Variants in FGF12 observed in about 807,000 individuals in gnomAD.
FGF12 encodes fibroblast growth factor 12.
FGF12 carries 14 observed loss-of-function variants against 23.6 expected under a neutral mutation model. The ratio of observed to expected loss-of-function variants is 0.59; its 90% CI spans 0.39 to 0.93. The LOEUF (loss-of-function observed/expected upper bound fraction) is 0.93. Among genes scored for constraint, FGF12 ranks in the 40% least tolerant of loss-of-function variants. The probability of loss-of-function intolerance (pLI) is 0.00; values close to 1 mark genes in which losing one functional copy is unlikely to be tolerated. For missense variants in FGF12, 175 were observed against 217.8 expected, an observed-to-expected ratio of 0.80 and a Z score of 1.24; for synonymous variants, 62 against 77.3, an observed-to-expected ratio of 0.80 and a Z score of 1.04.
intron 4 of FGF12, among the ~76,000 whole-genome samples, chr3:192,223,568 T>C (rs185893834): frequency 6.6e-6 from 1 of 152,286 alleles, no homozygotes; most frequent in East Asian, 1.9e-4. Flanking sequence ...ATCCAGTTTG[T>C]CTGGTATATT....
chr3:192,513,787 C>G (rs1724566217), intron 2 of FGF12, among the ~76,000 whole-genome samples: 1 of 152,194 alleles, frequency 6.6e-6, no homozygotes, highest in South Asian at 2.1e-4. Context: ...CCACACCCCA[C>G]TCCCAGTTTG....
intron 2 of FGF12, among the ~76,000 whole-genome samples, chr3:192,532,530 C>A (rs535140551): frequency 7.9e-5 from 12 of 152,056 alleles, no homozygotes; most frequent in African/African-American, 2.7e-4. Flanking sequence ...CAATTGAGTT[C>A]TTGATTTGAT....
intron 2 of FGF12, among the ~76,000 whole-genome samples, chr3:192,617,026 C>T (rs1560170491): frequency 6.6e-6 from 1 of 151,710 alleles, no homozygotes. Context: ...TTTTTCATGG[C>T]TTCGGAAGAC....
chr3:192,217,406 T>C (rs1170688740), intron 4 of FGF12, among the ~76,000 whole-genome samples: 1 of 152,156 alleles, frequency 6.6e-6, no homozygotes, highest in East Asian at 1.9e-4. Flanking sequence ...GGTAACCAAA[T>C]TCAAGCTGAA....
chr3:192,147,989 T>C (rs1022792572), intron 5 of FGF12, among the ~76,000 whole-genome samples: 1 of 147,078 alleles, frequency 6.8e-6, no homozygotes, highest in African/African-American at 2.5e-5. Context: ...TGTGGAGAAA[T>C]TGAAACCCTA....
intron 2 of FGF12, chr3:192,516,972 A>G (rs920251226): frequency 6.6e-6 from 1 of 152,230 alleles, no homozygotes; most frequent in African/African-American, 2.4e-5. Context: ...GAAAACATCT[A>G]AAAATAGTCC....
intron 2 of FGF12, among the ~76,000 whole-genome samples, chr3:192,720,532 C>A (rs978366580): frequency 6.6e-6 from 1 of 152,208 alleles, no homozygotes; most frequent in African/African-American, 2.4e-5. Flanking sequence ...CCGTGCTCTG[C>A]ATGCAAGGAT....
intron 2 of FGF12, among the ~76,000 whole-genome samples, chr3:192,595,236 G>A (rs1182408502): frequency 6.6e-6 from 1 of 152,130 alleles, no homozygotes; most frequent in Non-Finnish European, 1.5e-5. Flanking sequence ...CACGTTCACT[G>A]TATATTTGTA....
chr3:192,369,683 A>G (rs1719136282), intron 2 of FGF12, among the ~76,000 whole-genome samples: 1 of 152,214 alleles, frequency 6.6e-6, no homozygotes, highest in South Asian at 2.1e-4. Context: ...TATGCTCATG[A>G]AAATTTAAAA....
intron 2 of FGF12, among the ~76,000 whole-genome samples, chr3:192,593,396 T>C (rs1439513116): frequency 6.6e-6 from 1 of 151,932 alleles, no homozygotes; most frequent in Non-Finnish European, 1.5e-5. Context: ...CTCTGCCTCT[T>C]CTTCCCCACA....
intron 2 of FGF12, among the ~76,000 whole-genome samples, chr3:192,638,167 G>A (rs1715653955): frequency 6.6e-6 from 1 of 152,226 alleles, no homozygotes; most frequent in Middle Eastern, 3.4e-3. Context: ...GAGTAACTTA[G>A]GGCCTGTCTC....
intron 2 of FGF12, among the ~76,000 whole-genome samples, chr3:192,722,774 G>A (rs943990506): frequency 6.6e-6 from 1 of 152,196 alleles, no homozygotes; most frequent in Non-Finnish European, 1.5e-5. Flanking sequence ...TTGCTGGAAT[G>A]TTAAAGGCTC....
intron 2 of FGF12, among the ~76,000 whole-genome samples, chr3:192,432,272 A>G (rs1038097482): frequency 2.0e-5 from 3 of 152,196 alleles, no homozygotes; most frequent in African/African-American, 4.8e-5. Flanking sequence ...GTCAGAATAA[A>G]CCAAATACAA....
At chr3:192,707,020 C>T (rs893644961) in intron 2 of FGF12, among the ~76,000 whole-genome samples, 1 of 152,096 alleles carries the variant, frequency 6.6e-6, no homozygotes, top group African/African-American at 2.4e-5. Flanking sequence ...AATGAATGTC[C>T]AGAAAATGGA....
intron 2 of FGF12, among the ~76,000 whole-genome samples, chr3:192,689,425 A>G (rs1184478440): frequency 6.6e-6 from 1 of 152,160 alleles, no homozygotes; most frequent in African/African-American, 2.4e-5. Context: ...TTAAAAAATT[A>G]GGAAACAATA....
rs546927212 is a variant in FGF12, at chr3:192,457,771, T to A, written c.14-97233A>T. Among the ~76,000 whole-genome samples the A allele has an allele frequency of 9.9e-5, 15 of 152,284 alleles. No homozygotes were observed. The South Asian group carries it at 3.1e-3, about 32-fold the overall frequency. On this transcript the variant is annotated intron_variant, in intron 2 of 5. Coordinates refer to ENST00000445105, the MANE Select transcript of FGF12 (RefSeq NM_004113.6). Reference sequence around the variant, plus strand: ...AGCTGGCTGCAGAAATTTGAATAAGTAGCAAGGAGCCTAATGTTAATCCCC... The same window carrying A: ...AGCTGGCTGCAGAAATTTGAATAAGAAGCAAGGAGCCTAATGTTAATCCCC...
chr3:192,534,161 A>G (rs1275854066), intron 2 of FGF12: 1 of 152,470 alleles, frequency 6.6e-6, no homozygotes, highest in African/African-American at 2.4e-5. Context: ...TCTATTTTTT[A>G]TGGTCAAATA....
chr3:192,167,760 TATATATATAAA>T (rs1349494141), intron 5 of FGF12, among the ~76,000 whole-genome samples: 6 of 31,870 alleles, frequency 1.9e-4, no homozygotes, highest in African/African-American at 5.4e-4. Context: ...TATATATATA[TATATATATAAA>T]ATTTTTTTTT....
In FGF12 at chr3:192,409,808, A is replaced by AGGGGCC. The variant is rs1721131293; in HGVS notation, c.14-49276_14-49271dup. 6.6e-6 allele frequency among the ~76,000 whole-genome samples: 1 copy of AGGGGCC among 151,960 alleles called. No individual in the cohort carries two copies. Among genetic ancestry groups the AGGGGCC allele is most frequent in the African/African-American group, 2.4e-5 (1 of 41,406 alleles). On this transcript the variant is annotated intron_variant, in intron 2 of 5. Transcript: ENST00000445105. The surrounding 1 kb of genome is among the most constrained non-coding windows in gnomAD (Gnocchi z 4.8). Reference sequence around the variant, plus strand: ...GGCGCTTGGGGCCGGAGGCGGAATCAGGGGCCGGGGCCAGGAGGCAGGTGC... The same window carrying AGGGGCC: ...GGCGCTTGGGGCCGGAGGCGGAATCAGGGGCCGGGGCCGGGGCCAGGAGGCAGGTGC...
Sources: gnomAD v4.1 joint callset for allele counts (sites outside exome capture counted in the v4.1 genomes callset) on GRCh38, gnomAD v4.1.1 for gene constraint, Gnocchi (gnomAD v3.1) non-coding constraint, MANE v1.5 for transcripts, NCBI Gene and HGNC (gene_info 2026-07-23, HGNC 2026-07-21) for gene names.